The following HACL2 variants were observed in gnomAD, a reference collection of about 807,000 sequenced individuals.
HACL2 encodes 2-hydroxyacyl-CoA lyase 2.
chr19:15,119,674 C>A, the HACL2 span, among the ~76,000 whole-genome samples: 2 of 152,208 alleles, frequency 1.3e-5, no homozygotes, highest in African/African-American at 4.8e-5. Flanking sequence ...CCTCAGCCTC[C>A]AGAGTAGCTG....
At chr19:15,123,428 G>A in the HACL2 span, 9 of 1,614,098 alleles carry the variant, frequency 5.6e-6, no homozygotes, top group Non-Finnish European at 7.6e-6. This position sits in a 1 kb window ranked among gnomAD's most constrained non-coding sequence, Gnocchi z 5.1. Context: ...CTCATGGCGT[G>A]TGTCCACCAC....
At chr19:15,121,899 CT>C in the HACL2 span, among the ~76,000 whole-genome samples, 664 of 137,090 alleles carry the variant, frequency 4.8e-3, 2 homozygotes, top group Non-Finnish European at 7.2e-3. Flanking sequence ...GGCTCTGCCA[CT>C]TTTTTTTTTT....
At chr19:15,116,856 C>T in the HACL2 span, 1 of 311,050 alleles carries the variant, frequency 3.2e-6, no homozygotes, top group East Asian at 7.9e-5. Flanking sequence ...CCAAGCACAT[C>T]TCTCAAATCC....
the HACL2 span, chr19:15,125,221 T>C: frequency 1.3e-6 from 1 of 755,926 alleles, no homozygotes; most frequent in African/African-American, 1.8e-5. Context: ...CCACGCCCTT[T>C]GTGCGCCTAG....
chr19:15,125,091 C>A, the HACL2 span: 1 of 1,500,682 alleles, frequency 6.7e-7, no homozygotes, highest in Non-Finnish European at 8.9e-7. Flanking sequence ...AGGGCACTTC[C>A]CAGACTTGGG....
chr19:15,122,768 T>G, the HACL2 span: 1 of 1,613,914 alleles, frequency 6.2e-7, no homozygotes, highest in Non-Finnish European at 8.5e-7. The surrounding 1 kb of genome is among the most constrained non-coding windows in gnomAD (Gnocchi z 4.0). Flanking sequence ...GAAGTAGGGG[T>G]ACAGCACGTC....
the HACL2 span, chr19:15,117,057 C>T: frequency 0.04 from 6,701 of 166,724 alleles, 166 homozygotes; most frequent in Middle Eastern, 0.052. Flanking sequence ...CCCTGGCCTC[C>T]ACCCAGCCCC....
chr19:15,119,982 C>T, the HACL2 span: 1 of 1,546,652 alleles, frequency 6.5e-7, no homozygotes, highest in Non-Finnish European at 8.7e-7. Context: ...GGCAATTCAC[C>T]TGCTGCGGGG....
the HACL2 span, among the ~76,000 whole-genome samples, chr19:15,121,504 AGAAAG>A: frequency 1.3e-5 from 2 of 152,094 alleles, no homozygotes; most frequent in East Asian, 1.9e-4. Flanking sequence ...GAGGAGGAGA[AGAAAG>A]GAAAGGAAGA....
At chr19:15,119,113 C>G in the HACL2 span, 1 of 1,505,546 alleles carries the variant, frequency 6.6e-7, no homozygotes, top group Non-Finnish European at 8.9e-7. Context: ...AGCTGGGTAA[C>G]AGGGTGAGGG....
At chr19:15,115,919 G>A in the HACL2 span, 1 of 1,614,134 alleles carries the variant, frequency 6.2e-7, no homozygotes, top group Non-Finnish European at 8.5e-7. Context: ...ACAGGCACCA[G>A]ACCTAGTCGG....
At chr19:15,121,399 G>A in the HACL2 span, among the ~76,000 whole-genome samples, 1 of 152,144 alleles carries the variant, frequency 6.6e-6, no homozygotes. Flanking sequence ...CTGGCACATG[G>A]CTGCCGCTCG....
chr19:15,120,612 G>A, the HACL2 span, among the ~76,000 whole-genome samples: 4 of 152,350 alleles, frequency 2.6e-5, no homozygotes, highest in East Asian at 7.7e-4. Flanking sequence ...TGAAGGACCT[G>A]TGCAGGGCCC....
At chr19:15,119,033 A>C in the HACL2 span, 13 of 982,866 alleles carry the variant, frequency 1.3e-5, no homozygotes, top group Admixed American at 3.0e-5. Flanking sequence ...GTTGGGTTCA[A>C]AGCGCTTTAT....
the HACL2 span, chr19:15,115,246 A>G: frequency 1.2e-6 from 2 of 1,613,962 alleles, no homozygotes; most frequent in Non-Finnish European, 1.7e-6. Context: ...CCTGACCCAC[A>G]AGGCCCTATA....
At chr19:15,119,858 C>T in the HACL2 span, 54 of 670,136 alleles carry the variant, frequency 8.1e-5, no homozygotes, top group South Asian at 3.6e-4. Context: ...GCCAAAGGGC[C>T]GCCCTTGAGT....
chr19:15,116,358 C>T, the HACL2 span: 2 of 1,613,818 alleles, frequency 1.2e-6, no homozygotes, highest in Non-Finnish European at 1.7e-6. Flanking sequence ...GGGTTGGCAG[C>T]AGGGTCTGCC....
chr19:15,116,434 G>A, the HACL2 span: 24 of 1,613,758 alleles, frequency 1.5e-5, no homozygotes, highest in African/African-American at 2.7e-5. Flanking sequence ...TCTGCCGGTC[G>A]GCTTCCCGCA....
At chr19:15,122,587 G>A in the HACL2 span, 1 of 922,044 alleles carries the variant, frequency 1.1e-6, no homozygotes, top group South Asian at 1.5e-5. The surrounding 1 kb of genome is among the most constrained non-coding windows in gnomAD (Gnocchi z 4.0). Flanking sequence ...CCCCCCAGCT[G>A]TCTCCTCCCA....
Sources: allele counts gnomAD v4.1 joint callset (sites outside exome capture counted in the v4.1 genomes callset), GRCh38; gene constraint gnomAD v4.1.1; non-coding constraint Gnocchi (gnomAD v3.1); transcripts MANE v1.5; gene names NCBI Gene and HGNC (gene_info 2026-07-23, HGNC 2026-07-21).